The following XIRP2 variants were observed in gnomAD, a reference collection of about 807,000 sequenced individuals.
XIRP2 encodes xin actin-binding repeat-containing protein 2.
A neutral mutation model predicts 277.0 loss-of-function variants in XIRP2; 236 were observed. The observed-to-expected ratio is 0.85, with a 90% confidence interval of 0.77 to 0.95. The LOEUF (loss-of-function observed/expected upper bound fraction) is 0.95. Ranked by LOEUF, XIRP2 falls within the 40% of genes least tolerant of loss-of-function variation. The pLI is 0.00. For synonymous variants in XIRP2, 1,490 were observed against 1,416.5 expected (o/e 1.05, Z -1.17); for missense variants, 4,640 against 4,157.5 (o/e 1.12, Z -3.19).
intron 2 of XIRP2, among the ~76,000 whole-genome samples, chr2:167,083,592 C>T (rs1275170591): frequency 6.6e-6 from 1 of 152,148 alleles, no homozygotes; most frequent in Non-Finnish European, 1.5e-5. Flanking sequence ...AATGTTCTTC[C>T]ATTTGTTTGT....
intron 2 of XIRP2, among the ~76,000 whole-genome samples, chr2:167,041,433 A>G (rs975699676): frequency 2.6e-5 from 4 of 152,206 alleles, no homozygotes; most frequent in Non-Finnish European, 4.4e-5. Flanking sequence ...GGAATCTAAT[A>G]AAATGATACA....
At chr2:166,974,420 A>G (rs1189797756) in intron 2 of XIRP2, among the ~76,000 whole-genome samples, 2 of 152,140 alleles carry the variant, frequency 1.3e-5, no homozygotes, top group Non-Finnish European at 2.9e-5. Flanking sequence ...AGATAAACTA[A>G]GCAAAAACTA....
chr2:166,978,811 T>C (rs1041762306), intron 2 of XIRP2, among the ~76,000 whole-genome samples: 2 of 152,006 alleles, frequency 1.3e-5, no homozygotes, highest in African/African-American at 4.8e-5. Context: ...TGAGATCCTG[T>C]CTCTACAAAA....
chr2:167,088,552 C>T (rs1166129129), intron 2 of XIRP2, among the ~76,000 whole-genome samples: 1 of 152,120 alleles, frequency 6.6e-6, no homozygotes, highest in Non-Finnish European at 1.5e-5. Flanking sequence ...GATTTGAAAC[C>T]TCAGTACACT....
intron 2 of XIRP2, among the ~76,000 whole-genome samples, chr2:167,117,289 C>G (rs1361376823): frequency 6.6e-6 from 1 of 152,112 alleles, no homozygotes; most frequent in Non-Finnish European, 1.5e-5. Flanking sequence ...TTTGACTCCT[C>G]TGCTCCACCT....
chr2:167,148,297 G>A (rs974810879), intron 3 of XIRP2, among the ~76,000 whole-genome samples: 20 of 151,596 alleles, frequency 1.3e-4, no homozygotes, highest in Admixed American at 3.3e-4. Context: ...CAGGAGAATC[G>A]CTTGAACTCG....
Position 167,249,555 on chromosome 2 carries a change from A to C in XIRP2, c.8163A>C (p.Thr2721=). The C allele has an allele frequency of 6.2e-7, 1 of 1,613,680 alleles. No individual in the cohort carries two copies. Among genetic ancestry groups the C allele is most frequent in the African/African-American group, 1.3e-5 (1 of 74,992 alleles). Residue 2721 remains threonine, a synonymous_variant, in exon 9 of 11, where the codon ACA becomes ACC. Transcript: ENST00000409195. ...KTIKLPTLDH[T]LNETDHSYES... ...TCAAACTTCCAACTCTAGATCATACATTAAATGAAACAGACCACAGCTATG... is the reference window on the plus strand; with the variant it reads ...TCAAACTTCCAACTCTAGATCATACCTTAAATGAAACAGACCACAGCTATG...
At chr2:167,055,049 T>C (rs1689007431) in intron 2 of XIRP2, among the ~76,000 whole-genome samples, 1 of 152,236 alleles carries the variant, frequency 6.6e-6, no homozygotes, top group African/African-American at 2.4e-5. Context: ...TGAACTCAGC[T>C]AGACTCACTC....
intron 2 of XIRP2, among the ~76,000 whole-genome samples, chr2:166,975,930 CAAAAAAAAAA>C (rs550529718): frequency 1.3e-4 from 6 of 45,704 alleles, no homozygotes; most frequent in Admixed American, 3.4e-4. Flanking sequence ...GACTCCGTCT[CAAAAAAAAAA>C]AAAAAAAAAA....
Position 167,240,570 on chromosome 2 carries a change from G to A in XIRP2, c.970-94G>A, listed in dbSNP as rs909078416. On this transcript the variant is annotated intron_variant, in intron 6 of 10. Coordinates refer to ENST00000409195, the MANE Select transcript of XIRP2 (RefSeq NM_152381.6). ...CTCTCAATGTACACTAAAGTCTTGG[G>A]TGAAAATCACTGTAAAATGAAGAGT... The A allele has an allele frequency of 6.4e-6, 7 of 1,092,948 alleles. No individual in the cohort carries two copies. In the African/African-American group the frequency reaches 7.9e-5, roughly 12 times the overall value. The allele number at this position is 1,092,948 out of a possible 1,614,324, so 67.7% of individuals were successfully genotyped here. A position where few individuals can be genotyped will look rare whatever the true frequency, so the allele number is the denominator to read the frequency against.
intron 2 of XIRP2, among the ~76,000 whole-genome samples, chr2:166,957,014 G>T (rs2105402682): frequency 6.6e-6 from 1 of 151,914 alleles, no homozygotes; most frequent in Admixed American, 6.6e-5. Flanking sequence ...TATATCATAA[G>T]CATTTTATAT....
intron 2 of XIRP2, among the ~76,000 whole-genome samples, chr2:166,995,496 T>C (rs1388025698): frequency 1.3e-5 from 2 of 152,208 alleles, no homozygotes; most frequent in Non-Finnish European, 2.9e-5. Context: ...AGAACCTTTT[T>C]CTGCAAAATT....
intron 5 of XIRP2, among the ~76,000 whole-genome samples, chr2:167,221,321 A>G (rs753761231): frequency 1.3e-4 from 20 of 151,948 alleles, no homozygotes; most frequent in Admixed American, 3.3e-4. Flanking sequence ...AAAATTAGCC[A>G]GGTGTGGTGG....
chr2:166,961,592 T>C (rs1686299149), intron 2 of XIRP2, among the ~76,000 whole-genome samples: 1 of 151,744 alleles, frequency 6.6e-6, no homozygotes, highest in African/African-American at 2.4e-5. Context: ...CTTGATCAAA[T>C]ATGTCTCCTT....
chr2:167,131,917 A>G (rs960056599), intron 2 of XIRP2, among the ~76,000 whole-genome samples: 4 of 152,156 alleles, frequency 2.6e-5, no homozygotes, highest in African/African-American at 9.7e-5. Flanking sequence ...ATATTTTGAC[A>G]TCATTTAATA....
At chr2:167,167,598 G>A (rs141884996) in intron 3 of XIRP2, among the ~76,000 whole-genome samples, 1 of 152,018 alleles carries the variant, frequency 6.6e-6, no homozygotes, top group African/African-American at 2.4e-5. Flanking sequence ...TGGGTAGTAT[G>A]GGTAGTGCAA....
In XIRP2 at chr2:167,153,854, T is replaced by G. The variant is rs546215966; in HGVS notation, c.562+17792T>G. Among the ~76,000 whole-genome samples the G allele has an allele frequency of 1.7e-4, 26 of 150,984 alleles. 1 individual carries two copies. In the East Asian group the frequency reaches 4.5e-3, roughly 26 times the overall value. On this transcript the variant is annotated intron_variant, in intron 3 of 10. Coordinates refer to ENST00000409195, the MANE Select transcript of XIRP2 (RefSeq NM_152381.6). ...TCCAAGTCTTTGCTATTGTGAATAG[T>G]GCCGCAATAAACATACATGTGCATG... is the stretch of plus-strand genomic sequence containing the variant.
chr2:167,206,739 G>C (rs1693866309), intron 3 of XIRP2, among the ~76,000 whole-genome samples: 1 of 152,182 alleles, frequency 6.6e-6, no homozygotes, highest in Non-Finnish European at 1.5e-5. Flanking sequence ...TAGTATTAAT[G>C]TATCTCTCAT....
At chr2:167,024,306 A>G (rs972026646) in intron 2 of XIRP2, among the ~76,000 whole-genome samples, 1 of 152,112 alleles carries the variant, frequency 6.6e-6, no homozygotes, top group African/African-American at 2.4e-5. Flanking sequence ...TTGATTTTAT[A>G]TCCTGAGACT....
Sources: allele counts gnomAD v4.1 joint callset (sites outside exome capture counted in the v4.1 genomes callset), GRCh38; gene constraint gnomAD v4.1.1; transcripts MANE v1.5; gene names NCBI Gene and HGNC (gene_info 2026-07-23, HGNC 2026-07-21).